The following MGAT4C variants were observed in gnomAD, a reference collection of about 807,000 sequenced individuals.
MGAT4C encodes alpha-1,3-mannosyl-glycoprotein 4-beta-N-acetylglucosaminyltransferase C.
Under a neutral mutation model 40.1 loss-of-function variants are expected in MGAT4C, and 19 were observed. That is an observed-to-expected ratio of 0.47 (90% confidence interval 0.33 to 0.70). The LOEUF (loss-of-function observed/expected upper bound fraction) is 0.70, where lower values mean the gene tolerates loss of function less well. Among genes scored for constraint, MGAT4C ranks in the 30% least tolerant of loss-of-function variants. The pLI is 0.02. For synonymous variants in MGAT4C, 181 were observed against 187.1 expected (o/e 0.97, Z 0.27); for missense variants, 491 against 563.2 (o/e 0.87, Z 1.30).
chr12:86,575,382 C>G (rs150482079), intron 2 of MGAT4C, among the ~76,000 whole-genome samples: 7 of 151,928 alleles, frequency 4.6e-5, no homozygotes, highest in Non-Finnish European at 8.8e-5. Flanking sequence ...TTCACAGCCT[C>G]TGGTAACTAT....
intron 2 of MGAT4C, among the ~76,000 whole-genome samples, chr12:86,502,039 T>C (rs1958353599): frequency 6.6e-6 from 1 of 152,076 alleles, no homozygotes. Context: ...AAATTAGGAC[T>C]CATGATAGAC....
intron 2 of MGAT4C, among the ~76,000 whole-genome samples, chr12:86,702,232 T>C (rs907752822): frequency 1.3e-5 from 2 of 150,506 alleles, no homozygotes; most frequent in African/African-American, 4.9e-5. Context: ...TTCAGAGATG[T>C]AGTATTACTA....
intron 3 of MGAT4C, among the ~76,000 whole-genome samples, chr12:86,385,466 G>A (rs1436077809): frequency 6.6e-6 from 1 of 152,056 alleles, no homozygotes; most frequent in Non-Finnish European, 1.5e-5. Flanking sequence ...CTAGATGTCA[G>A]AGAAAGAAAA....
intron 2 of MGAT4C, among the ~76,000 whole-genome samples, chr12:86,496,320 C>T (rs1435015428): frequency 2.0e-5 from 3 of 151,776 alleles, no homozygotes; most frequent in East Asian, 3.9e-4. Flanking sequence ...TTTACTCTAA[C>T]TAATAGTTGT....
At chr12:86,113,583 G>A (rs987199563) in intron 1 of MGAT4C, among the ~76,000 whole-genome samples, 2 of 151,854 alleles carry the variant, frequency 1.3e-5, no homozygotes, top group South Asian at 2.1e-4. Flanking sequence ...CCAGGAAAAC[G>A]ATGTAGTTTT....
intron 1 of MGAT4C, among the ~76,000 whole-genome samples, chr12:86,221,558 A>C (rs1458893303): frequency 6.6e-6 from 1 of 152,198 alleles, no homozygotes; most frequent in Admixed American, 6.5e-5. Context: ...GCCTCTGTAC[A>C]TAGTGACCTG....
intron 3 of MGAT4C, among the ~76,000 whole-genome samples, chr12:86,377,832 A>G (rs572517121): frequency 1.3e-5 from 2 of 152,192 alleles, no homozygotes; most frequent in South Asian, 4.1e-4. Flanking sequence ...CTGAAATCCT[A>G]TACTCATGGA....
At chr12:86,490,865 A>G (rs1170926814) in intron 2 of MGAT4C, among the ~76,000 whole-genome samples, 2 of 152,244 alleles carry the variant, frequency 1.3e-5, no homozygotes, top group Non-Finnish European at 2.9e-5. Flanking sequence ...AGAGCTAACT[A>G]TCCTAAATAT....
rs1220959763 is a variant in MGAT4C, at chr12:86,723,253, CTGTGG to C, written c.-229+3951_-229+3955del. Among the ~76,000 whole-genome samples, 5 of 152,140 alleles carry C rather than the reference CTGTGG, an allele frequency of 3.3e-5. No individual in the cohort carries two copies. The East Asian group carries it at 9.6e-4, about 29-fold the overall frequency. ...CTTCCTACATAAATTCCCTAAGCCA[CTGTGG>C]ATGTTATGGAAATAAAATGTCTATC... is the stretch of plus-strand genomic sequence containing the variant. On this transcript the variant is annotated intron_variant, in intron 2 of 7. Coordinates refer to the MGAT4C transcript ENST00000548651.
At chr12:86,495,415 A>G (rs970119614) in intron 2 of MGAT4C, 1 of 152,136 alleles carries the variant, frequency 6.6e-6, no homozygotes, top group African/African-American at 2.4e-5. Flanking sequence ...ATAAACAACC[A>G]CAACAGCTCA....
chr12:86,235,995 A>G (rs1951524446), intron 1 of MGAT4C, among the ~76,000 whole-genome samples: 2 of 152,094 alleles, frequency 1.3e-5, no homozygotes. Flanking sequence ...TTGGATTAAC[A>G]TAGCATTATG....
intron 2 of MGAT4C, among the ~76,000 whole-genome samples, chr12:86,443,863 G>A (rs1957284166): frequency 6.6e-6 from 1 of 152,046 alleles, no homozygotes; most frequent in Non-Finnish European, 1.5e-5. Flanking sequence ...CAAAGTGCTG[G>A]GATTACAGGC....
At chr12:86,374,535 A>G (rs192034016) in intron 3 of MGAT4C, among the ~76,000 whole-genome samples, 4 of 152,296 alleles carry the variant, frequency 2.6e-5, no homozygotes, top group Non-Finnish European at 2.9e-5. Flanking sequence ...CAATCAATAT[A>G]TTAAATTTGG....
chr12:86,746,783 T>C (rs1951160581), intron 1 of MGAT4C, among the ~76,000 whole-genome samples: 1 of 151,588 alleles, frequency 6.6e-6, no homozygotes, highest in South Asian at 2.1e-4. Flanking sequence ...CTTAGGTATC[T>C]TTTCTGAGCC....
At chr12:86,170,815 T>C (rs1362342446) in intron 1 of MGAT4C, among the ~76,000 whole-genome samples, 2 of 151,906 alleles carry the variant, frequency 1.3e-5, no homozygotes, top group South Asian at 2.1e-4. Flanking sequence ...TAGCTGGGCA[T>C]GTTAGTGTGC....
intron 2 of MGAT4C, among the ~76,000 whole-genome samples, chr12:86,026,560 T>C (rs1472795409): frequency 6.6e-6 from 1 of 151,980 alleles, no homozygotes; most frequent in African/African-American, 2.4e-5. Context: ...ACAAAAATGA[T>C]GCAATTAAAA....
chr12:86,428,815 TCTA>T (rs1405758312), intron 3 of MGAT4C, among the ~76,000 whole-genome samples: 2 of 152,140 alleles, frequency 1.3e-5, no homozygotes, highest in Non-Finnish European at 2.9e-5. Flanking sequence ...TGTTGTAATG[TCTA>T]CTTTTTCATT....
At chr12:86,153,645 G>T (rs1009867771) in intron 1 of MGAT4C, among the ~76,000 whole-genome samples, 3 of 152,170 alleles carry the variant, frequency 2.0e-5, no homozygotes, top group Admixed American at 1.3e-4. Context: ...TGCTGTTCTT[G>T]TGATAATGAG....
At chr12:86,520,985 A>G (rs1043893336) in intron 2 of MGAT4C, among the ~76,000 whole-genome samples, 1 of 152,154 alleles carries the variant, frequency 6.6e-6, no homozygotes, top group African/African-American at 2.4e-5. Context: ...TGCCAGATAT[A>G]TAGTTTGACA....
Sources: allele counts gnomAD v4.1 joint callset (sites outside exome capture counted in the v4.1 genomes callset), GRCh38; gene constraint gnomAD v4.1.1; transcripts MANE v1.5; gene names NCBI Gene and HGNC (gene_info 2026-07-23, HGNC 2026-07-21).